ASPSCR1: variants seen among roughly 807,000 people sequenced by gnomAD.
ASPSCR1 encodes tether containing UBX domain for GLUT4.
In ASPSCR1, 55 loss-of-function variants were observed where a neutral mutation model predicts 68.9. That is an observed-to-expected ratio of 0.80 (90% CI 0.64 to 1.00). ASPSCR1 has a LOEUF of 1.00. Ranked by LOEUF, ASPSCR1 falls within the 50% of genes least tolerant of loss-of-function variation. The pLI is 0.00. For synonymous variants in ASPSCR1, 352 were observed against 332.6 expected, an observed-to-expected ratio of 1.06 and a Z score of -0.63; for missense variants, 765 against 762.2, an observed-to-expected ratio of 1.00 and a Z score of -0.04.
rs9906594 is a variant in ASPSCR1 at position 81,977,760 on chromosome 17, C to T, written c.102+12C>T. 168 of 1,220,994 alleles carry T rather than the reference C, an allele frequency of 1.4e-4. 1 individual carries two copies. The East Asian group carries it at 5.3e-3, about 38-fold the overall frequency. 75.6% of individuals were successfully genotyped at this position (1,220,994 alleles called of 1,614,324 possible). A position where few individuals can be genotyped will look rare whatever the true frequency, so the allele number is the denominator to read the frequency against. ...CCGTGCTGCTTCAGGTGCGGCCGCC[C>T]GCCCGGGGCGGACGGGTAGGCGGGC... On this transcript the variant is annotated intron_variant, in intron 1 of 15. Transcript: ENST00000306739. This position sits in a 1 kb window ranked among gnomAD's most constrained non-coding sequence, Gnocchi z 5.0.
In ASPSCR1 at chr17:81,996,015, G is replaced by T. The variant is rs757798466; in HGVS notation, c.456G>T (p.Arg152=). Reference sequence around the variant, plus strand: ...AGGTGACGGGTGAAGCTGCCCTGCGGGGCACGACGCTGCAGTCGCTGGGCC... The same window carrying T: ...AGGTGACGGGTGAAGCTGCCCTGCGTGGCACGACGCTGCAGTCGCTGGGCC... ...RDEVTGEAAL[R]GTTLQSLGLT... is the part of the protein sequence containing the mutation. Residue 152 remains arginine, a synonymous_variant, in exon 6 of 16, where the codon CGG becomes CGT. Coordinates refer to ENST00000306739, the MANE Select transcript of ASPSCR1 (RefSeq NM_024083.4). 3.8e-5 allele frequency: 61 copies of T among 1,610,482 alleles called. No homozygotes were observed. The highest frequency in any genetic ancestry group is 4.8e-5 in the Non-Finnish European group (57 of 1,179,302).
rs759475392 is a variant in ASPSCR1 at position 81,996,651 on chromosome 17, G to A, written c.738G>A (p.Ser246=). The change falls in exon 7 of 16, where the codon TCG becomes TCA. Residue 246 remains serine, a synonymous_variant. Coordinates refer to ENST00000306739, the MANE Select transcript of ASPSCR1 (RefSeq NM_024083.4). ...APAAAPFVPF[S]GGGQRLGGPP... ...CAGCTGCCCCCTTTGTTCCTTTCTC[G>A]GGTGGGGGACAGAGACTGGGGGGCC... The A allele has an allele frequency of 4.0e-5, 64 of 1,612,662 alleles. No individual in the cohort carries two copies. Among genetic ancestry groups the A allele is most frequent in the Middle Eastern group, 1.6e-4 (1 of 6,066 alleles).
At position 82,017,129 on chromosome 17, in the gene ASPSCR1, G is replaced by C. The variant is rs1217520022; in HGVS notation, c.1648+16G>C. On this transcript the variant is annotated intron_variant, in intron 15 of 15. Coordinates refer to ENST00000306739, the MANE Select transcript of ASPSCR1 (RefSeq NM_024083.4). ...AAGCTGCCGGGTACTGCGGCTGGGTGGAAGGTGGGGTGCTGTGGCCGGGTG... is the reference window on the plus strand; with the variant it reads ...AAGCTGCCGGGTACTGCGGCTGGGTCGAAGGTGGGGTGCTGTGGCCGGGTG... 1 of 1,578,140 alleles carries C rather than the reference G, an allele frequency of 6.3e-7. No homozygotes were observed. Among genetic ancestry groups the C allele is most frequent in the Admixed American group, 1.7e-5 (1 of 58,362 alleles).
intron 7 of ASPSCR1, among the ~76,000 whole-genome samples, chr17:81,997,115 T>TGAGGCCGTGTGGGCTCCGGGAC: frequency 6.6e-6 from 1 of 151,654 alleles, no homozygotes; most frequent in Admixed American, 6.6e-5. Flanking sequence ...CGCTCCGGGA[T>TGAGGCCGTGTGGGCTCCGGGAC]GAGGCCGTGT....
intron 9 of ASPSCR1, chr17:82,009,941 C>G (rs1330088476): frequency 4.2e-6 from 1 of 240,956 alleles, no homozygotes; most frequent in African/African-American, 2.4e-5. Context: ...GACGGAGTCT[C>G]TCTCTGTCGC....
At chr17:82,006,300 G>GGTGT (rs149103743) in intron 7 of ASPSCR1, 29 of 150,514 alleles carry the variant, frequency 1.9e-4, no homozygotes, top group African/African-American at 6.1e-4. Flanking sequence ...CGTGTTTGGG[G>GGTGT]GTGTGTGTGT....
chr17:82,015,575 C>T (rs1184098288), intron 12 of ASPSCR1: 8 of 641,382 alleles, frequency 1.2e-5, no homozygotes, highest in Non-Finnish European at 1.8e-5. Flanking sequence ...CTGAGGGAGC[C>T]CTCTCGCCCG....
rs914565216 is a variant in ASPSCR1, at chr17:81,983,383, G to A, written c.159-171G>A. The stretch of plus-strand genomic sequence containing the variant: ...GGAGGCCCCATATGATCGGGGACCC[G>A]CCTTGTGCCTCTGCAGGTCATGACG... On this transcript the variant is annotated intron_variant, in intron 2 of 15. Coordinates refer to ENST00000306739, the MANE Select transcript of ASPSCR1 (RefSeq NM_024083.4). This position sits in a 1 kb window ranked among gnomAD's most constrained non-coding sequence, Gnocchi z 4.4. Among the ~76,000 whole-genome samples, 3 of 152,016 alleles carry A rather than the reference G, an allele frequency of 2.0e-5. No homozygotes were observed. Among genetic ancestry groups the A allele is most frequent in the East Asian group, 1.9e-4 (1 of 5,172 alleles).
chr17:81,985,452 G>A (rs2041965115), intron 3 of ASPSCR1, 55 bp from the exon 4 acceptor site: 4 of 1,559,426 alleles, frequency 2.6e-6, no homozygotes, highest in Non-Finnish European at 8.8e-7. Flanking sequence ...CTGGGATTTA[G>A]AAGGAATAGT....
chr17:81,989,937 G>A (rs1227419191), intron 4 of ASPSCR1, among the ~76,000 whole-genome samples: 2 of 152,166 alleles, frequency 1.3e-5, no homozygotes, highest in Non-Finnish European at 1.5e-5. Context: ...ACTGGCGCAC[G>A]CCATCACGCC....
At chr17:81,981,342 G>A (rs1339895491) in intron 2 of ASPSCR1, among the ~76,000 whole-genome samples, 3 of 151,472 alleles carry the variant, frequency 2.0e-5, no homozygotes, top group Non-Finnish European at 2.9e-5. Context: ...TGGTTCAGTT[G>A]GTTGGGGGGG....
At chr17:82,009,675 T>G in intron 9 of ASPSCR1, 108 bp downstream of exon 9, 1 of 395,588 alleles carries the variant, frequency 2.5e-6, no homozygotes, top group Non-Finnish European at 3.4e-6. Flanking sequence ...GCGGGCCCCC[T>G]GTGAGGTCTG....
Position 82,011,584 on chromosome 17 carries a change from C to A in ASPSCR1, c.1279C>A (p.Pro427Thr). Residue 427 changes from proline (P) to threonine (T), a missense_variant, in exon 11 of 16, where the codon CCC becomes ACC. Transcript: ENST00000306739. ...CTTCGTGAGGAGCCACCTGGGGAAC[C>A]CCGAGCTGTCATTTTACCTGTGTAC... is the stretch of plus-strand genomic sequence containing the variant. ...RDFVRSHLGN[P>T]ELSFYLFITP... 1 of 1,591,716 alleles carries A rather than the reference C, an allele frequency of 6.3e-7. No homozygotes were observed.
intron 7 of ASPSCR1, among the ~76,000 whole-genome samples, chr17:81,998,217 TATCTC>T (rs1184030204): frequency 4.6e-5 from 7 of 152,214 alleles, no homozygotes; most frequent in Non-Finnish European, 1.0e-4. Context: ...GCGATCTTCT[TATCTC>T]AGCCACCCAA....
chr17:82,017,240 G>A, intron 15 of ASPSCR1, 69 bp from the exon 16 acceptor site: 1 of 1,603,082 alleles, frequency 6.2e-7, no homozygotes, highest in Non-Finnish European at 8.5e-7. Flanking sequence ...CTTCAGCCGG[G>A]CTGGTGGGCG....
chr17:82,011,884 C>T (rs1245339659), intron 11 of ASPSCR1, among the ~76,000 whole-genome samples: 1 of 152,126 alleles, frequency 6.6e-6, no homozygotes, highest in African/African-American at 2.4e-5. Context: ...GTCCCCACCC[C>T]TGGGGCTCAG....
At chr17:81,997,589 G>C (rs1208287916) in intron 7 of ASPSCR1, among the ~76,000 whole-genome samples, 1 of 148,356 alleles carries the variant, frequency 6.7e-6, no homozygotes, top group East Asian at 2.0e-4. Context: ...CCAAGTTCAA[G>C]TGATTACTCC....
intron 5 of ASPSCR1, chr17:81,995,453 G>A (rs141743833): frequency 4.4e-6 from 1 of 229,080 alleles, no homozygotes; most frequent in Non-Finnish European, 8.6e-6. Context: ...CTGTCCTGAG[G>A]CTGTGGCCCT....
At chr17:82,006,300 GGT>G (rs149103743) in intron 7 of ASPSCR1, 3 of 150,400 alleles carry the variant, frequency 2.0e-5, no homozygotes, top group African/African-American at 2.5e-5. Context: ...CGTGTTTGGG[GGT>G]GTGTGTGTGT....
Sources: allele counts gnomAD v4.1 joint callset (sites outside exome capture counted in the v4.1 genomes callset), GRCh38; gene constraint gnomAD v4.1.1; non-coding constraint Gnocchi (gnomAD v3.1); transcripts MANE v1.5; gene names NCBI Gene and HGNC (gene_info 2026-07-23, HGNC 2026-07-21).